The following CACNB3 variants were observed in gnomAD, a reference collection of about 807,000 sequenced individuals.
CACNB3 encodes the protein calcium voltage-gated channel auxiliary subunit beta 3.
In CACNB3, 36 loss-of-function variants were observed where a neutral mutation model predicts 63.7. The ratio of observed to expected loss-of-function variants is 0.57; its 90% CI spans 0.43 to 0.75. The LOEUF is 0.75. Among genes scored for constraint, CACNB3 ranks in the 30% least tolerant of loss-of-function variants. The pLI is 0.00. For synonymous variants in CACNB3, 241 were observed against 250.6 expected (o/e 0.96, Z 0.36); for missense variants, 493 against 648.6 (o/e 0.76, Z 2.61).
chr12:48,818,305 C>G (rs915852720), upstream of CACNB3: 3 of 211,014 alleles, frequency 1.4e-5, no homozygotes, highest in Non-Finnish European at 2.5e-5. This position sits in a 1 kb window ranked among gnomAD's most constrained non-coding sequence, Gnocchi z 4.3. Flanking sequence ...CCGGTTTCCT[C>G]GACACCTGCG....
In CACNB3 at chr12:48,826,508, C is replaced by T; in HGVS notation, c.884C>T (p.Ser295Phe). The change falls in exon 10 of 13, where the codon TCC becomes TTC. Residue 295 changes from serine to phenylalanine, a missense_variant. By Grantham distance (155) the Ser-to-Phe change is radical. Transcript: ENST00000301050. This position sits in a 1 kb window ranked among gnomAD's most constrained non-coding sequence, Gnocchi z 4.8. ...LAPIIVFVKV[S>F]SPKVLQRLIR... ...CCCATCATCGTCTTTGTCAAAGTGT[C>T]CTCACCAAAGGTAAGTCAGCTGGGC... 2 of 1,614,060 alleles carry T rather than the reference C, an allele frequency of 1.2e-6. No homozygotes were observed. Among genetic ancestry groups the T allele is most frequent in the Non-Finnish European group, 1.7e-6 (2 of 1,179,944 alleles).
rs1938025833 is a variant in CACNB3, at chr12:48,824,578, G to A, written c.408-91G>A. On this transcript the variant is annotated intron_variant, in intron 4 of 12. Coordinates refer to ENST00000301050, the MANE Select transcript of CACNB3 (RefSeq NM_000725.4). ...CCTGTCTCACTAGATAAAGCATATGGAATTGTGTACAATTATTAAATAATG... is the reference window on the plus strand; with the variant it reads ...CCTGTCTCACTAGATAAAGCATATGAAATTGTGTACAATTATTAAATAATG... 2.5e-5 allele frequency: 32 copies of A among 1,290,216 alleles called. No homozygotes were observed. The South Asian group carries it at 4.1e-4, about 16-fold the overall frequency. The allele number at this position is 1,290,216 out of a possible 1,614,324, so 79.9% of individuals were successfully genotyped here.
chr12:48,814,585 G>A (rs1208860385), upstream of CACNB3: 1 of 1,497,118 alleles, frequency 6.7e-7, no homozygotes. This position sits in a 1 kb window ranked among gnomAD's most constrained non-coding sequence, Gnocchi z 6.9. Flanking sequence ...GGAAGGGCGC[G>A]GGTGTCTCGA....
At chr12:48,824,511 C>G (rs1938021857) in intron 4 of CACNB3, 138 bp downstream of exon 4, 2 of 1,050,242 alleles carry the variant, frequency 1.9e-6, no homozygotes, top group Admixed American at 4.3e-5. Context: ...ACACACTCAA[C>G]ACTAAACAAA....
intron 1 of CACNB3, chr12:48,821,322 G>A (rs1937836628): frequency 6.6e-6 from 1 of 152,020 alleles, no homozygotes; most frequent in East Asian, 1.9e-4. Flanking sequence ...GCAAGATCCT[G>A]TCTCTACAAA....
chr12:48,815,734 C>T (rs1565661234), upstream of CACNB3: 8 of 604,360 alleles, frequency 1.3e-5, no homozygotes, highest in Non-Finnish European at 2.0e-5. Flanking sequence ...ACGAGGTAAC[C>T]GTGGGGGGGG....
chr12:48,826,929 G>A lies in CACNB3; in HGVS notation c.991-45G>A. ...CAGTGATAGAGATGGGTGGGGGGCT[G>A]CTACTGAGGGGAAACCAACGTTGCG... On this transcript the variant is annotated intron_variant, in intron 11 of 12. Transcript: ENST00000301050. This position sits in a 1 kb window ranked among gnomAD's most constrained non-coding sequence, Gnocchi z 4.8. 6.2e-7 allele frequency: 1 copy of A among 1,613,202 alleles called. No homozygotes were observed. Among genetic ancestry groups the A allele is most frequent in the Non-Finnish European group, 8.5e-7 (1 of 1,179,458 alleles).
rs377762667 is a variant in CACNB3, at chr12:48,826,355, C to A, written c.743-12C>A. The stretch of plus-strand genomic sequence containing the variant: ...AGCTCCTGGTGAGCACTGCTGCTGC[C>A]TCCCTCCATAGCGGAAGTGCAGAGT... On this transcript the variant is annotated splice_polypyrimidine_tract_variant and intron_variant, in intron 9 of 12. Transcript: ENST00000301050. The surrounding 1 kb of genome is among the most constrained non-coding windows in gnomAD (Gnocchi z 4.8). The A allele has an allele frequency of 1.3e-5, 21 of 1,613,914 alleles. No individual in the cohort carries two copies. The African/African-American group carries it at 1.3e-4, about 10-fold the overall frequency.
chr12:48,827,046 G>T lies in CACNB3; in HGVS notation c.1063G>T (p.Val355Phe), dbSNP rs772179660. Residue 355 changes from valine (V) to phenylalanine (F), a missense_variant, in exon 12 of 13, where the codon GTT becomes TTT. Physicochemically the swap from Val to Phe is conservative, Grantham distance 50. Coordinates refer to ENST00000301050, the MANE Select transcript of CACNB3 (RefSeq NM_000725.4). ...TGAGCACCTGGCTGAGTACCTGGAG[G>T]TTTACTGGCGGGCCACGCACCACCC... ...ACEHLAEYLE[V>F]YWRATHHPAP... The T allele has an allele frequency of 9.9e-6, 16 of 1,613,972 alleles. No individual in the cohort carries two copies. In the Admixed American group the frequency reaches 2.5e-4, roughly 25 times the overall value.
Position 48,827,936 on chromosome 12 carries a change from C to T in CACNB3, c.*37C>T, listed in dbSNP as rs758696067. 1 of 1,573,228 alleles carries T rather than the reference C, an allele frequency of 6.4e-7. No individual in the cohort carries two copies. The highest frequency in any genetic ancestry group is 8.7e-7 in the Non-Finnish European group (1 of 1,150,556). On this transcript the variant is annotated 3_prime_UTR_variant, in exon 13 of 13. Transcript: ENST00000301050. Reference sequence around the variant, plus strand: ...TGCCCTACCCTGGCAGGCACAGGCGCAGCTGGCTGGGGGGCCCACTCCAGG... The same window carrying T: ...TGCCCTACCCTGGCAGGCACAGGCGTAGCTGGCTGGGGGGCCCACTCCAGG...
chr12:48,825,456 C>G lies in CACNB3; in HGVS notation c.596C>G (p.Ala199Gly), dbSNP rs748483563. ...GYEVTDMMQK[A>G]LFDFLKHRFD... ...CAGGTCACAGACATGATGCAGAAGG[C>G]TCTCTTCGACTTCCTCAAACACAGA... The change falls in exon 8 of 13, where the codon GCT (alanine) becomes GGT (glycine). Residue 199 changes from alanine (A) to glycine (G), a missense_variant. Coordinates refer to ENST00000301050, the MANE Select transcript of CACNB3 (RefSeq NM_000725.4). This position sits in a 1 kb window ranked among gnomAD's most constrained non-coding sequence, Gnocchi z 4.5. 2 of 1,614,080 alleles carry G rather than the reference C, an allele frequency of 1.2e-6. No homozygotes were observed. Among genetic ancestry groups the G allele is most frequent in the African/African-American group, 1.3e-5 (1 of 74,936 alleles).
At chr12:48,816,735 C>A, upstream of CACNB3, 1 of 478,280 alleles carries the variant, frequency 2.1e-6, no homozygotes, top group Non-Finnish European at 2.7e-6. Flanking sequence ...GGAAGGAGTG[C>A]TGCCGATGGC....
chr12:48,824,855 G>T, intron 5 of CACNB3, 94 bp from the exon 6 acceptor site: 1 of 1,534,772 alleles, frequency 6.5e-7, no homozygotes, highest in Non-Finnish European at 9.0e-7. Context: ...GGGGTGGGGA[G>T]AAGCCAGTAT....
chr12:48,815,585 C>T (rs1942264730), upstream of CACNB3: 1 of 1,527,400 alleles, frequency 6.5e-7, no homozygotes, highest in African/African-American at 1.4e-5. Context: ...TGGGGCGAGG[C>T]CAGGCGTGCA....
intron 1 of CACNB3, among the ~76,000 whole-genome samples, chr12:48,822,076 A>T (rs1027179127): frequency 6.6e-6 from 1 of 152,106 alleles, no homozygotes; most frequent in South Asian, 2.1e-4. Context: ...AGTGAGCTTG[A>T]GAGAATGTTC....
chr12:48,814,525 C>A, upstream of CACNB3: 1 of 1,529,282 alleles, frequency 6.5e-7, no homozygotes, highest in Non-Finnish European at 8.7e-7. The surrounding 1 kb of genome is among the most constrained non-coding windows in gnomAD (Gnocchi z 6.9). Flanking sequence ...CCCGGCTTAG[C>A]TGGGGCGCCC....
In CACNB3 at chr12:48,823,991, G is replaced by A; in HGVS notation, c.291+188G>A. On this transcript the variant is annotated intron_variant, in intron 3 of 12. Transcript: ENST00000301050. This position sits in a 1 kb window ranked among gnomAD's most constrained non-coding sequence, Gnocchi z 4.2. The stretch of plus-strand genomic sequence containing the variant: ...AGGGTCTCCATCCTTCTGAGACCTG[G>A]CTTGGGCATCAGTCTCCATGTCTGT... 1 of 778,692 alleles carries A rather than the reference G, an allele frequency of 1.3e-6. No individual in the cohort carries two copies. The highest frequency in any genetic ancestry group is 2.7e-5 in the East Asian group (1 of 37,204). 48.2% of individuals were successfully genotyped at this position (778,692 alleles called of 1,614,324 possible).
Position 48,825,811 on chromosome 12 carries a change from C to A in CACNB3, c.742+42C>A. 2.2e-6 allele frequency: 3 copies of A among 1,350,498 alleles called. No homozygotes were observed. The highest frequency in any genetic ancestry group is 1.4e-5 in the African/African-American group (1 of 69,698). 83.7% of individuals were successfully genotyped at this position (1,350,498 alleles called of 1,614,324 possible). On this transcript the variant is annotated intron_variant, in intron 9 of 12. Transcript: ENST00000301050. The surrounding 1 kb of genome is among the most constrained non-coding windows in gnomAD (Gnocchi z 4.5). The stretch of plus-strand genomic sequence containing the variant: ...ACCTGCTTCTGTGCCCACTCAAGTG[C>A]CAGTGAGAACCTTCCTCCTCCCTTT...
rs1938217231 is a variant in CACNB3 at position 48,827,599 on chromosome 12, G to A, written c.1155G>A (p.Leu385=). 1 of 1,612,472 alleles carries A rather than the reference G, an allele frequency of 6.2e-7. No homozygotes were observed. Among genetic ancestry groups the A allele is most frequent in the Non-Finnish European group, 8.5e-7 (1 of 1,179,356 alleles). The stretch of plus-strand genomic sequence containing the variant: ...ATGGCCCCCAGAACCAGCAGCTGCT[G>A]GGGGAGCGTGGCGAGGAGCACTCCC... ...AIPGLQNQQL[L]GERGEEHSPL... The change falls in exon 13 of 13, where the codon CTG becomes CTA. Residue 385 remains leucine (L), a synonymous_variant. Transcript: ENST00000301050.
Sources: allele counts gnomAD v4.1 joint callset (sites outside exome capture counted in the v4.1 genomes callset), GRCh38; gene constraint gnomAD v4.1.1; non-coding constraint Gnocchi (gnomAD v3.1); transcripts MANE v1.5; gene names NCBI Gene and HGNC (gene_info 2026-07-23, HGNC 2026-07-21).